The following APBB2 variants were observed in gnomAD, a reference collection of about 807,000 sequenced individuals.
APBB2 encodes the protein Fe65-like 1.
APBB2 carries 38 observed loss-of-function variants against 82.5 expected under a neutral mutation model. That is an observed-to-expected ratio of 0.46 (90% confidence interval 0.36 to 0.60). The LOEUF (loss-of-function observed/expected upper bound fraction) is 0.60, where lower values mean the gene tolerates loss of function less well. APBB2 is among the 20% of genes least tolerant of loss of function. The pLI, the probability that APBB2 is intolerant of heterozygous loss-of-function variation, is 0.00. For synonymous variants in APBB2, 341 were observed against 368.2 expected, an observed-to-expected ratio of 0.93 and a Z score of 0.85; for missense variants, 772 against 972.3, an observed-to-expected ratio of 0.79 and a Z score of 2.74.
intron 2 of APBB2, among the ~76,000 whole-genome samples, chr4:41,101,335 G>A (rs1483193914): frequency 4.7e-5 from 7 of 149,868 alleles, no homozygotes; most frequent in Admixed American, 4.6e-4. Flanking sequence ...GCGGTGGCGG[G>A]CGCCTGTAGT....
chr4:40,913,207 T>A (rs68087248), intron 10 of APBB2, among the ~76,000 whole-genome samples: 18 of 152,062 alleles, frequency 1.2e-4, no homozygotes, highest in East Asian at 3.9e-4. Context: ...CCCGCCAGTC[T>A]GGGGGGTCAG....
chr4:41,206,382 T>A (rs1035125733), intron 1 of APBB2, among the ~76,000 whole-genome samples: 10 of 152,220 alleles, frequency 6.6e-5, no homozygotes, highest in African/African-American at 2.2e-4. Flanking sequence ...TACATTCCTC[T>A]CTGTCCTCCT....
chr4:40,981,388 AAAAG>A (rs66793856), intron 6 of APBB2, among the ~76,000 whole-genome samples: 57,998 of 151,556 alleles, frequency 0.38, 12,104 homozygotes, highest in East Asian at 0.71. Context: ...CTCAAAAAAA[AAAAG>A]AGACAGAGCA....
At chr4:41,113,317 C>T (rs1486160432) in intron 2 of APBB2, among the ~76,000 whole-genome samples, 1 of 152,136 alleles carries the variant, frequency 6.6e-6, no homozygotes, top group Non-Finnish European at 1.5e-5. Flanking sequence ...GCTCCATAAT[C>T]TTTTCAATGT....
At chr4:40,952,818 C>T (rs1294577574) in intron 6 of APBB2, among the ~76,000 whole-genome samples, 1 of 152,186 alleles carries the variant, frequency 6.6e-6, no homozygotes. Flanking sequence ...GTAACAGCAA[C>T]AACTGCAAGG....
chr4:40,872,218 G>A (rs149941564), intron 12 of APBB2, among the ~76,000 whole-genome samples: 1 of 152,194 alleles, frequency 6.6e-6, no homozygotes, highest in Non-Finnish European at 1.5e-5. Flanking sequence ...CAGAGAATGA[G>A]GACAATGACA....
At chr4:41,177,568 G>A (rs908378897) in intron 1 of APBB2, 8 of 152,206 alleles carry the variant, frequency 5.3e-5, no homozygotes, top group Non-Finnish European at 2.9e-5. Flanking sequence ...CCTTATCTTC[G>A]TTCATACAAT....
chr4:40,932,204 G>A (rs1784380205), intron 10 of APBB2, among the ~76,000 whole-genome samples: 1 of 152,210 alleles, frequency 6.6e-6, no homozygotes, highest in Non-Finnish European at 1.5e-5. Context: ...GGTGGACAGA[G>A]ATATTCACTG....
At chr4:41,046,900 G>A (rs1399680853) in intron 4 of APBB2, among the ~76,000 whole-genome samples, 2 of 152,152 alleles carry the variant, frequency 1.3e-5, no homozygotes, top group Non-Finnish European at 2.9e-5. Flanking sequence ...AGGACACATG[G>A]GATTTGTGTT....
chr4:41,099,420 G>A (rs1744622923), intron 3 of APBB2, among the ~76,000 whole-genome samples: 1 of 152,068 alleles, frequency 6.6e-6, no homozygotes, highest in Non-Finnish European at 1.5e-5. Flanking sequence ...TAGCAGAGAT[G>A]GGGTTTCTCC....
intron 3 of APBB2, among the ~76,000 whole-genome samples, chr4:41,083,082 G>A (rs1271563364): frequency 4.6e-5 from 7 of 151,994 alleles, no homozygotes; most frequent in East Asian, 1.9e-4. Flanking sequence ...GGAAAATGGC[G>A]TGAACCCGGG....
intron 1 of APBB2, among the ~76,000 whole-genome samples, chr4:41,160,532 C>T (rs1277383726): frequency 1.3e-5 from 2 of 152,164 alleles, no homozygotes; most frequent in African/African-American, 4.8e-5. Flanking sequence ...TACGGCTCCA[C>T]CACTAATGCC....
At chr4:40,919,311 T>A (rs1328954452) in intron 10 of APBB2, among the ~76,000 whole-genome samples, 1 of 152,194 alleles carries the variant, frequency 6.6e-6, no homozygotes, top group Non-Finnish European at 1.5e-5. Flanking sequence ...AACACCCCCA[T>A]TAACATATAG....
chr4:41,164,434 C>T (rs1765962359), intron 1 of APBB2, among the ~76,000 whole-genome samples: 1 of 152,152 alleles, frequency 6.6e-6, no homozygotes, highest in Admixed American at 6.5e-5. Flanking sequence ...TCTAGGACTA[C>T]AGAGTTTCAA....
At chr4:41,211,983 T>G (rs1046480022) in intron 1 of APBB2, among the ~76,000 whole-genome samples, 3 of 152,218 alleles carry the variant, frequency 2.0e-5, no homozygotes, top group African/African-American at 4.8e-5. Context: ...CTATTAGCTA[T>G]TCTTCCTGAT....
intron 1 of APBB2, among the ~76,000 whole-genome samples, chr4:41,177,332 T>C (rs1770099658): frequency 6.6e-6 from 1 of 152,322 alleles, no homozygotes; most frequent in East Asian, 1.9e-4. Context: ...ATTCTGGTTA[T>C]GAAACAAAGG....
intron 6 of APBB2, among the ~76,000 whole-genome samples, chr4:40,989,965 A>C (rs919844457): frequency 3.3e-5 from 5 of 152,176 alleles, no homozygotes; most frequent in Admixed American, 2.0e-4. Flanking sequence ...GTACATATAA[A>C]ACGCTAAAAC....
chr4:40,816,849 G>A (rs1745870223), intron 17 of APBB2, among the ~76,000 whole-genome samples: 1 of 152,178 alleles, frequency 6.6e-6, no homozygotes, highest in Non-Finnish European at 1.5e-5. Context: ...ATTCAGAAAT[G>A]TTTGTTTCCT....
chr4:40,856,141 T>C (rs530973882), intron 12 of APBB2, among the ~76,000 whole-genome samples: 1 of 152,332 alleles, frequency 6.6e-6, no homozygotes, highest in East Asian at 1.9e-4. Flanking sequence ...CCATTCATGA[T>C]ACAAGTCAAA....
Sources: gnomAD v4.1 joint callset for allele counts (sites outside exome capture counted in the v4.1 genomes callset) on GRCh38, gnomAD v4.1.1 for gene constraint, MANE v1.5 for transcripts, NCBI Gene and HGNC (gene_info 2026-07-23, HGNC 2026-07-21) for gene names.